Variants in ALDH4A1 observed in about 807,000 individuals in gnomAD.
ALDH4A1 encodes aldehyde dehydrogenase 4 family member A1, also known as delta-1-pyrroline-5-carboxylate dehydrogenase, mitochondrial.
A neutral mutation model predicts 70.5 loss-of-function variants in ALDH4A1; 46 were observed. That is an observed-to-expected ratio of 0.65 (90% CI 0.51 to 0.83). The LOEUF (loss-of-function observed/expected upper bound fraction) is 0.83. Among genes scored for constraint, ALDH4A1 ranks in the 40% least tolerant of loss-of-function variants. ALDH4A1 has a pLI of 0.00. For missense variants in ALDH4A1, 749 were observed against 766.5 expected (o/e 0.98, Z 0.27); for synonymous variants, 323 against 324.3 (o/e 1.00, Z 0.04).
In ALDH4A1 at chr1:18,892,565, G is replaced by A. The variant is rs535810526; in HGVS notation, c.63-2460C>T. 3.3e-5 allele frequency among the ~76,000 whole-genome samples: 5 copies of A among 151,722 alleles called. No individual in the cohort carries two copies. In the South Asian group the frequency reaches 6.4e-4, roughly 19 times the overall value. On this transcript the variant is annotated intron_variant, in intron 1 of 14. Transcript: ENST00000375341. ...ATCCCAGGTAGAAGGAGGCGGGGGG[G>A]GGCTGAGAGGGGCCTGCGTGGTAGA...
intron 1 of ALDH4A1, chr1:18,900,769 C>T (rs1345695763): frequency 1.2e-6 from 1 of 833,642 alleles, no homozygotes; most frequent in Non-Finnish European, 1.4e-6. Context: ...CAGGAGGCCT[C>T]ATAATTCAGA....
At chr1:18,887,089 A>G (rs1464819135) in intron 3 of ALDH4A1, among the ~76,000 whole-genome samples, 1 of 152,250 alleles carries the variant, frequency 6.6e-6, no homozygotes. Flanking sequence ...GGACAGAGCA[A>G]TTGTTTCCTA....
At chr1:18,886,946 A>G (rs9426638) in intron 3 of ALDH4A1, among the ~76,000 whole-genome samples, 5,242 of 152,248 alleles carry the variant, frequency 0.034, 336 homozygotes, top group African/African-American at 0.12. Context: ...GGAGAACCAA[A>G]GGGGATCATG....
intron 4 of ALDH4A1, among the ~76,000 whole-genome samples, chr1:18,886,232 C>T (rs949746327): frequency 5.7e-4 from 86 of 152,204 alleles, no homozygotes; most frequent in African/African-American, 2.0e-3. Flanking sequence ...ATGTCTCAGC[C>T]CTGGCTGAGG....
rs1354983665 is a variant in ALDH4A1 at position 18,883,279 on chromosome 1, C to T, written c.603G>A (p.Glu201=). 8.7e-6 allele frequency: 14 copies of T among 1,613,126 alleles called. No individual in the cohort carries two copies. The South Asian group carries it at 1.5e-4, about 18-fold the overall frequency. ...CTCGCCCACTGCCTCCTGCAGGTAC[C>T]TCCAGACCCCGGTACACCGTGCTGT... is the stretch of plus-strand genomic sequence containing the variant. The part of the protein sequence containing the change: ...STNSTVYRGL[E]GFVAAISPFN... The change falls in exon 6 of 15, where the codon GAG becomes GAA. Residue 201 remains glutamate (E), a splice_region_variant and synonymous_variant. Transcript: ENST00000375341.
chr1:18,890,182 C>T lies in ALDH4A1; in HGVS notation c.63-77G>A, dbSNP rs189934321. The T allele has an allele frequency of 2.9e-4, 365 of 1,260,282 alleles. 1 individual carries two copies. Among genetic ancestry groups the T allele is most frequent in the Non-Finnish European group, 3.6e-4 (320 of 886,676 alleles). 78.1% of individuals were successfully genotyped at this position (1,260,282 alleles called of 1,614,324 possible). ...CACCAGACCCCAGCCCCTCTACCTC[C>T]GACAGGGGGTCCTAGGTGGGCACCC... On this transcript the variant is annotated intron_variant, in intron 1 of 14. Coordinates refer to ENST00000375341, the MANE Select transcript of ALDH4A1 (RefSeq NM_003748.4).
At position 18,877,273 on chromosome 1, in the gene ALDH4A1, G is replaced by T; in HGVS notation, c.1138-18C>A. On this transcript the variant is annotated intron_variant, in intron 10 of 14. Transcript: ENST00000375341. Reference sequence around the variant, plus strand: ...TCTGCAGGCTGGAGGCAAGGGAGGCGCCAGAAGAGACGAGTCACTGCAGGC... The same window carrying T: ...TCTGCAGGCTGGAGGCAAGGGAGGCTCCAGAAGAGACGAGTCACTGCAGGC... The T allele has an allele frequency of 6.3e-7, 1 of 1,599,494 alleles. No individual in the cohort carries two copies. Among genetic ancestry groups the T allele is most frequent in the Non-Finnish European group, 8.5e-7 (1 of 1,172,530 alleles).
At chr1:18,891,046 A>T (rs1207579406) in intron 1 of ALDH4A1, among the ~76,000 whole-genome samples, 1 of 152,182 alleles carries the variant, frequency 6.6e-6, no homozygotes, top group Non-Finnish European at 1.5e-5. Flanking sequence ...TCCTTGCTCA[A>T]ATCCTCTGAC....
At chr1:18,875,606 G>T in intron 12 of ALDH4A1, 103 bp from the exon 13 acceptor site, 1 of 1,581,518 alleles carries the variant, frequency 6.3e-7, no homozygotes, top group African/African-American at 1.4e-5. Flanking sequence ...CCAGTCCCTG[G>T]GCCTCAGTTT....
Position 18,883,357 on chromosome 1 carries a change from C to G in ALDH4A1, c.525G>C (p.Lys175Asn). Residue 175 changes from lysine (K) to asparagine (N), a missense_variant, in exon 6 of 15, where the codon AAG becomes AAC. By Grantham distance (94) the Lys-to-Asn change is moderately conservative. Transcript: ENST00000375341. ...GCTGCCCCTCCAGCTCCACCGCATA[C>G]TTGGCATTGAACCGGAAGAAGTCGA... ...ELIDFFRFNA[K>N]YAVELEGQQP... The G allele has an allele frequency of 1.2e-6, 2 of 1,613,526 alleles. No homozygotes were observed. The highest frequency in any genetic ancestry group is 2.2e-5 in the East Asian group (1 of 44,888).
At position 18,880,628 on chromosome 1, in the gene ALDH4A1, G is replaced by A. The variant is rs530262355; in HGVS notation, c.866+1072C>T. Among the ~76,000 whole-genome samples, 72 of 152,318 alleles carry A rather than the reference G, an allele frequency of 4.7e-4. No individual in the cohort carries two copies. The highest frequency in any genetic ancestry group is 1.6e-3 in the African/African-American group (66 of 41,570). ...GGAGCCAGCAGGGAAAGGAAACAGC[G>A]TGGATCAGGTATGCAGGGAGCCAGA... On this transcript the variant is annotated intron_variant, in intron 8 of 14. Transcript: ENST00000375341. This position sits in a 1 kb window ranked among gnomAD's most constrained non-coding sequence, Gnocchi z 5.1.
intron 7 of ALDH4A1, chr1:18,882,708 G>T: frequency 1.8e-6 from 1 of 557,356 alleles, no homozygotes. Flanking sequence ...TCTCCATGCC[G>T]TGCTTGACAG....
intron 3 of ALDH4A1, among the ~76,000 whole-genome samples, chr1:18,889,019 G>T (rs1023144145): frequency 1.3e-5 from 2 of 152,242 alleles, no homozygotes; most frequent in African/African-American, 4.8e-5. Flanking sequence ...GGCTTCTTAG[G>T]CCAATGCCAT....
intron 8 of ALDH4A1, 52 bp downstream of exon 8, chr1:18,881,648 G>A: frequency 1.4e-6 from 2 of 1,473,022 alleles, no homozygotes; most frequent in Non-Finnish European, 1.8e-6. Context: ...CAGCAGGTGA[G>A]CAGGTGAACG....
At chr1:18,890,833 G>A in intron 1 of ALDH4A1, 3 of 985,508 alleles carry the variant, frequency 3.0e-6, no homozygotes, top group Non-Finnish European at 3.6e-6. Flanking sequence ...TAAGCTGAAA[G>A]GGCAGCACAT....
rs753519116 is a variant in ALDH4A1 at position 18,885,575 on chromosome 1, GT to G, written c.350del (p.Asp117AlafsTer2). On this transcript the variant is annotated frameshift_variant, in exon 5 of 15. Transcript: ENST00000375341. LOFTEE classifies it high-confidence loss of function. Reference protein sequence around the residue: ...EAALAARKEWDLKPIADRAQI... With the variant: ...EAALAARKEWXLKPIADRAQI... ...GGGCCCGGTCTGCAATAGGCTTCAG[GT>G]CCCACTCTTTCCGGGCAGCCAGGGC... The G allele has an allele frequency of 6.2e-7, 1 of 1,613,720 alleles. No homozygotes were observed.
At chr1:18,879,872 C>T (rs563374118) in intron 8 of ALDH4A1, among the ~76,000 whole-genome samples, 26 of 152,318 alleles carry the variant, frequency 1.7e-4, no homozygotes, top group Admixed American at 2.6e-4. Context: ...GCTCAGGCCC[C>T]GCCCGAAGCC....
chr1:18,897,759 C>G (rs145367360), intron 1 of ALDH4A1, among the ~76,000 whole-genome samples: 2 of 152,294 alleles, frequency 1.3e-5, no homozygotes, highest in East Asian at 3.9e-4. Flanking sequence ...ATCTCAGAGG[C>G]CCATGGTCAG....
chr1:18,877,703 C>A (rs568298612), intron 9 of ALDH4A1, 91 bp from the exon 10 acceptor site: 3 of 1,467,636 alleles, frequency 2.0e-6, no homozygotes, highest in African/African-American at 1.4e-5. Context: ...ATCCATGGCC[C>A]GGGACCAACA....
Sources: gnomAD v4.1 joint callset for allele counts (sites outside exome capture counted in the v4.1 genomes callset) on GRCh38, gnomAD v4.1.1 for gene constraint, Gnocchi (gnomAD v3.1) non-coding constraint, MANE v1.5 for transcripts, NCBI Gene and HGNC (gene_info 2026-07-23, HGNC 2026-07-21) for gene names.